NEB: variants seen among roughly 807,000 people sequenced by gnomAD.
NEB encodes nemaline myopathy type 2.
NEB carries 512 observed loss-of-function variants against 952.2 expected under a neutral mutation model. The observed-to-expected ratio is 0.54, with a 90% CI of 0.50 to 0.58. NEB has a LOEUF of 0.58. NEB is among the 20% of genes least tolerant of loss of function. NEB has a pLI of 0.00. For missense variants in NEB, 8,428 were observed against 9,231.1 expected (o/e 0.91, Z 3.56); for synonymous variants, 2,900 against 3,149.8 (o/e 0.92, Z 2.66).
intron 161 of NEB, among the ~76,000 whole-genome samples, chr2:151,512,320 C>T (rs990362447): frequency 1.3e-5 from 2 of 151,990 alleles, no homozygotes; most frequent in African/African-American, 2.4e-5. Context: ...AGGCATGAGC[C>T]ACCATGCCGG....
intron 77 of NEB, among the ~76,000 whole-genome samples, chr2:151,612,733 GA>G (rs2098036773): frequency 6.6e-6 from 1 of 152,226 alleles, no homozygotes; most frequent in Non-Finnish European, 1.5e-5. Flanking sequence ...TGTACTGGGT[GA>G]GAATACAGTT....
intron 45 of NEB, among the ~76,000 whole-genome samples, chr2:151,663,029 C>T (rs1485741160): frequency 6.6e-6 from 1 of 152,156 alleles, no homozygotes; most frequent in Non-Finnish European, 1.5e-5. Context: ...GACTCTTTAG[C>T]TAAATTCTTG....
intron 71 of NEB, among the ~76,000 whole-genome samples, chr2:151,624,760 A>T (rs1041335948): frequency 1.2e-4 from 19 of 152,182 alleles, no homozygotes; most frequent in Non-Finnish European, 2.9e-5. Context: ...AGACATGTTT[A>T]AAAAATTAGT....
intron 24 of NEB, 32 bp downstream of exon 24, chr2:151,690,695 T>TCA (rs1342408446): frequency 1.3e-6 from 2 of 1,482,186 alleles, no homozygotes; most frequent in African/African-American, 2.8e-5. Context: ...GCACTCTGGG[T>TCA]CACCCACGCT....
rs1288144525 is a variant in NEB at position 151,667,849 on chromosome 2, G to A, written c.4674C>T (p.Ala1558=). 6.2e-7 allele frequency: 1 copy of A among 1,612,666 alleles called. No individual in the cohort carries two copies. The highest frequency in any genetic ancestry group is 8.5e-7 in the Non-Finnish European group (1 of 1,178,954). Residue 1558 remains alanine (A), a synonymous_variant, in exon 40 of 182, where the codon GCC becomes GCT. Coordinates refer to ENST00000397345, the MANE Select transcript of NEB (RefSeq NM_001164508.2). ...AACTTTTTGCAGCAACAATTGGGAT[G>A]GCATCTGGTCTCAAATCATAGCCCT... is the stretch of plus-strand genomic sequence containing the variant. ...IAKGYDLRPD[A]IPIVAAKSSR... is the part of the protein sequence containing the mutation.
chr2:151,507,993 A>T lies in NEB; in HGVS notation c.23451+12T>A. 1 of 1,587,374 alleles carries T rather than the reference A, an allele frequency of 6.3e-7. No homozygotes were observed. The highest frequency in any genetic ancestry group is 8.6e-7 in the Non-Finnish European group (1 of 1,162,310). The stretch of plus-strand genomic sequence containing the variant: ...GCCTGTGGGCTGTGCCTTACATTTA[A>T]TAAAAACTTACAAGGCTGAAGTTCT... On this transcript the variant is annotated intron_variant, in intron 162 of 181. Transcript: ENST00000397345.
intron 10 of NEB, chr2:151,716,067 T>C: frequency 2.5e-6 from 1 of 397,148 alleles, no homozygotes; most frequent in South Asian, 1.9e-5. Flanking sequence ...CACCTTTTTA[T>C]TTTTCTTCCA....
chr2:151,552,198 T>G (rs1447441913), intron 128 of NEB, among the ~76,000 whole-genome samples: 1 of 152,200 alleles, frequency 6.6e-6, no homozygotes, highest in Non-Finnish European at 1.5e-5. Context: ...GGCGTCATAG[T>G]GGGTGCTTCC....
At chr2:151,639,757 G>A (rs1250835040) in intron 62 of NEB, 100 bp downstream of exon 62, 8 of 984,606 alleles carry the variant, frequency 8.1e-6, no homozygotes, top group African/African-American at 1.6e-5. Context: ...ATAGATAGAT[G>A]CCTTTTATTA....
chr2:151,669,129 C>T lies in NEB; in HGVS notation c.4509G>A (p.Leu1503=), dbSNP rs749368259. The part of the protein sequence containing the change: ...AQHNTKQLSD[L]NYKVEGEKLK... Reference sequence around the variant, plus strand: ...GTTTCTCTCCCTCTACCTTGTAGTTCAACTAAAAACAAAGGAGACAGCATG... The same window carrying T: ...GTTTCTCTCCCTCTACCTTGTAGTTTAACTAAAAACAAAGGAGACAGCATG... Residue 1503 remains leucine (L), a splice_region_variant and synonymous_variant, in exon 39 of 182, where the codon TTG becomes TTA. Coordinates refer to ENST00000397345, the MANE Select transcript of NEB (RefSeq NM_001164508.2). 22 of 1,555,940 alleles carry T rather than the reference C, an allele frequency of 1.4e-5. No homozygotes were observed. In the African/African-American group the frequency reaches 2.4e-4, roughly 17 times the overall value.
chr2:151,650,741 T>G lies in NEB; in HGVS notation c.7060A>C (p.Lys2354Gln). ...TCCACTGGGCTGGAGAACTTAGTTT[T>G]CCACTTCTCAAAGTCCTTCTTGTAT... ...REYKKDFEKW[K>Q]TKFSSPVDML... Residue 2354 changes from lysine to glutamine, a missense_variant, in exon 53 of 182, where the codon AAA becomes CAA. Physicochemically the swap from Lys to Gln is moderately conservative, Grantham distance 53 (BLOSUM62 1). This residue lies in a region of NEB where 1,772 missense variants were observed against 1,960.3 expected (regional missense o/e 0.90). Transcript: ENST00000397345. 1 of 1,614,004 alleles carries G rather than the reference T, an allele frequency of 6.2e-7. No individual in the cohort carries two copies.
intron 175 of NEB, 109 bp downstream of exon 175, chr2:151,493,666 T>C: frequency 2.1e-6 from 2 of 950,790 alleles, no homozygotes; most frequent in East Asian, 2.7e-5. Flanking sequence ...AGGAAGAATT[T>C]TTAAAGATAC....
At chr2:151,619,945 A>G (rs780631262) in intron 72 of NEB, among the ~76,000 whole-genome samples, 183 bp from the exon 73 acceptor site, 9 of 152,172 alleles carry the variant, frequency 5.9e-5, no homozygotes, top group Non-Finnish European at 1.0e-4. Context: ...TAACCCCACA[A>G]TGGTTCCTTT....
intron 178 of NEB, 33 bp downstream of exon 178, chr2:151,492,059 CTTAAAG>C (rs2057055666): frequency 6.3e-7 from 1 of 1,596,338 alleles, no homozygotes; most frequent in Non-Finnish European, 8.6e-7. Context: ...TACCCCCTCA[CTTAAAG>C]TTAATCCCCT....
Position 151,633,927 on chromosome 2 carries a change from G to A in NEB, c.9141C>T (p.His3047=). 6.2e-7 allele frequency: 1 copy of A among 1,613,834 alleles called. No homozygotes were observed. Among genetic ancestry groups the A allele is most frequent in the Non-Finnish European group, 8.5e-7 (1 of 1,179,748 alleles). ...YKDGYCKQLG[H]HIGARNIEDD... ...CTTCAATGTTCCGGGCTCCAATATGGTGGCCAAGTTGCTTGCAGTAACCAT... is the reference window on the plus strand; with the variant it reads ...CTTCAATGTTCCGGGCTCCAATATGATGGCCAAGTTGCTTGCAGTAACCAT... Residue 3047 remains histidine, a synonymous_variant, in exon 65 of 182, where the codon CAC becomes CAT. Coordinates refer to ENST00000397345, the MANE Select transcript of NEB (RefSeq NM_001164508.2).
At chr2:151,503,023 T>G (rs1341999614) in intron 166 of NEB, 138 bp from the exon 167 acceptor site, 3 of 615,568 alleles carry the variant, frequency 4.9e-6, no homozygotes, top group African/African-American at 1.9e-5. Flanking sequence ...ATGTTTTTAC[T>G]TTTTTCACAG....
chr2:151,702,953 C>A (rs538993594), intron 13 of NEB, among the ~76,000 whole-genome samples: 14 of 152,118 alleles, frequency 9.2e-5, no homozygotes, highest in South Asian at 2.1e-4. Context: ...TCTTCCTAGT[C>A]TCGATGGTCT....
chr2:151,681,673 C>G lies in NEB; in HGVS notation c.2944-845G>C, dbSNP rs1486556319. On this transcript the variant is annotated intron_variant, in intron 29 of 181. Coordinates refer to ENST00000397345, the MANE Select transcript of NEB (RefSeq NM_001164508.2). ...GACAACCCTCATACCACACCTCTGTCCTTTGTGTAGTCTGCCCTCCTTGAG... is the reference window on the plus strand; with the variant it reads ...GACAACCCTCATACCACACCTCTGTGCTTTGTGTAGTCTGCCCTCCTTGAG... Among the ~76,000 whole-genome samples the G allele has an allele frequency of 3.3e-5, 5 of 152,192 alleles. No homozygotes were observed. In the East Asian group the frequency reaches 7.7e-4, roughly 23 times the overall value.
At chr2:151,566,947 A>T (rs551668800) in intron 114 of NEB, among the ~76,000 whole-genome samples, 40 of 152,266 alleles carry the variant, frequency 2.6e-4, no homozygotes, top group Admixed American at 1.7e-3. Context: ...ATTTTTTTTA[A>T]AAAAATTTGA....
Sources: allele counts gnomAD v4.1 joint callset (sites outside exome capture counted in the v4.1 genomes callset), GRCh38; gene constraint gnomAD v4.1.1; regional missense constraint gnomAD v4.1.1; transcripts MANE v1.5; gene names NCBI Gene and HGNC (gene_info 2026-07-23, HGNC 2026-07-21).